The following FNIP2 variants were observed in gnomAD, a reference collection of about 807,000 sequenced individuals.
The protein encoded by FNIP2 is folliculin interacting protein 2.
A neutral mutation model predicts 108.7 loss-of-function variants in FNIP2; 32 were observed. That is an observed-to-expected ratio of 0.29 (90% CI 0.22 to 0.40). The LOEUF (loss-of-function observed/expected upper bound fraction) is 0.40, where lower values mean the gene tolerates loss of function less well. Among genes scored for constraint, FNIP2 ranks in the 10% least tolerant of loss-of-function variants. The probability of loss-of-function intolerance (pLI) is 1.00; values close to 1 mark genes in which losing one functional copy is unlikely to be tolerated. For missense variants in FNIP2, 1,202 were observed against 1,381.6 expected (o/e 0.87, Z 2.06); for synonymous variants, 480 against 496.7 (o/e 0.97, Z 0.45).
chr4:158,819,171 C>T (rs1235866840), intron 1 of FNIP2, among the ~76,000 whole-genome samples: 1 of 152,198 alleles, frequency 6.6e-6, no homozygotes, highest in Non-Finnish European at 1.5e-5. Flanking sequence ...CTGTGTGAAG[C>T]CACACACTCA....
At chr4:158,810,315 T>C (rs1348643990) in intron 1 of FNIP2, among the ~76,000 whole-genome samples, 1 of 152,228 alleles carries the variant, frequency 6.6e-6, no homozygotes, top group East Asian at 1.9e-4. Flanking sequence ...GCTGATGGTC[T>C]TGTGCTTTGT....
chr4:158,807,877 T>C (rs750331304), intron 1 of FNIP2, among the ~76,000 whole-genome samples: 1 of 152,204 alleles, frequency 6.6e-6, no homozygotes, highest in African/African-American at 2.4e-5. Flanking sequence ...GAGGAGGTAA[T>C]GATATGGTAC....
chr4:158,833,417 G>A (rs1778587108), intron 5 of FNIP2, 111 bp from the exon 6 acceptor site: 1 of 641,580 alleles, frequency 1.6e-6, no homozygotes, highest in Non-Finnish European at 2.8e-6. Context: ...GAAAAGTATT[G>A]AGTGACTGAT....
intron 12 of FNIP2, among the ~76,000 whole-genome samples, chr4:158,865,547 A>G (rs1780530181): frequency 6.6e-6 from 1 of 152,246 alleles, no homozygotes; most frequent in Non-Finnish European, 1.5e-5. Context: ...ATTAAAATAT[A>G]CAATACTCAA....
rs185451964 is a variant in FNIP2 at position 158,825,059 on chromosome 4, G to C, written c.108-857G>C. On this transcript the variant is annotated intron_variant, in intron 1 of 16. Transcript: ENST00000264433. The stretch of plus-strand genomic sequence containing the variant: ...CCCACTGAATCATGAACTCCATAAG[G>C]GTGGGGACCAGGTCTGTCTGGTTAA... 3.3e-5 allele frequency among the ~76,000 whole-genome samples: 5 copies of C among 152,240 alleles called. No homozygotes were observed. The East Asian group carries it at 9.6e-4, about 29-fold the overall frequency.
At position 158,905,726 on chromosome 4, in the gene FNIP2, T is replaced by C. The variant is rs1293051338; in HGVS notation, c.*1182T>C. The C allele has an allele frequency of 6.6e-6, 1 of 151,644 alleles. No homozygotes were observed. Among genetic ancestry groups the C allele is most frequent in the Non-Finnish European group, 1.5e-5 (1 of 67,934 alleles). 9.4% of individuals were successfully genotyped at this position (151,644 alleles called of 1,614,324 possible). The stretch of plus-strand genomic sequence containing the variant: ...AAAAAAAAAACAACCTAATTTTCTG[T>C]TAATATAAAAGAAACTTCAGTTTAC... On this transcript the variant is annotated 3_prime_UTR_variant, in exon 17 of 17. Coordinates refer to ENST00000264433, the MANE Select transcript of FNIP2 (RefSeq NM_020840.3).
chr4:158,818,088 G>C (rs1335414527), intron 1 of FNIP2, among the ~76,000 whole-genome samples: 4 of 152,222 alleles, frequency 2.6e-5, no homozygotes, highest in East Asian at 3.8e-4. Context: ...CAGAAAGGAA[G>C]GAAGAAATTC....
chr4:158,896,568 C>T (rs956002187), intron 16 of FNIP2, among the ~76,000 whole-genome samples: 2 of 152,086 alleles, frequency 1.3e-5, no homozygotes, highest in Non-Finnish European at 2.9e-5. Context: ...TTTATAATGT[C>T]GACGTTTAAA....
intron 1 of FNIP2, among the ~76,000 whole-genome samples, chr4:158,780,056 T>TA (rs985248279): frequency 4.0e-4 from 59 of 145,912 alleles, no homozygotes; most frequent in South Asian, 1.5e-3. Flanking sequence ...AAATAAAAAA[T>TA]AAAAAAAAAA....
chr4:158,782,790 T>A (rs920364337), intron 1 of FNIP2, among the ~76,000 whole-genome samples: 1 of 152,140 alleles, frequency 6.6e-6, no homozygotes, highest in Non-Finnish European at 1.5e-5. Context: ...AGCTCCCAAT[T>A]GTCCAGTAAT....
intron 16 of FNIP2, among the ~76,000 whole-genome samples, chr4:158,898,242 C>G (rs1260012018): frequency 6.6e-6 from 1 of 152,100 alleles, no homozygotes; most frequent in East Asian, 1.9e-4. Context: ...TTACCGTAGC[C>G]TTGTTGTATA....
rs34074378 is a variant in FNIP2 at position 158,866,221 on chromosome 4, C to CTTTTTTTTTTTTTTTTTTTTTTTTTTTTT, written c.1466-1866_1466-1865insTTTTTTTTTTTTTTTTTTTTTTTTTTTTT. 1.2e-4 allele frequency among the ~76,000 whole-genome samples: 7 copies of CTTTTTTTTTTTTTTTTTTTTTTTTTTTTT among 59,764 alleles called. 3 individuals are homozygous for CTTTTTTTTTTTTTTTTTTTTTTTTTTTTT. Among genetic ancestry groups the CTTTTTTTTTTTTTTTTTTTTTTTTTTTTT allele is most frequent in the Non-Finnish European group, 2.0e-4 (7 of 35,740 alleles). 39.2% of individuals were successfully genotyped at this position (59,764 alleles called of 152,430 possible). A position where few individuals can be genotyped will look rare whatever the true frequency, so the allele number is the denominator to read the frequency against. ...GATTTGTTCCAATATTCTGGTTATTCTTTTTTTTTTTTTTTGAGACAGAGT... is the reference window on the plus strand; with the variant it reads ...GATTTGTTCCAATATTCTGGTTATTCTTTTTTTTTTTTTTTTTTTTTTTTTTTTTTTTTTTTTTTTTTTTGAGACAGAGT... On this transcript the variant is annotated intron_variant, in intron 12 of 16. Transcript: ENST00000264433.
intron 7 of FNIP2, chr4:158,836,017 G>A (rs761759097): frequency 1.3e-5 from 2 of 152,430 alleles, no homozygotes; most frequent in Non-Finnish European, 2.9e-5. Flanking sequence ...TTGTGGTTCA[G>A]ATCTGAGATT....
intron 1 of FNIP2, among the ~76,000 whole-genome samples, chr4:158,798,815 T>C (rs1776671553): frequency 6.6e-6 from 1 of 152,266 alleles, no homozygotes; most frequent in African/African-American, 2.4e-5. Flanking sequence ...TGAATAACTC[T>C]TAGTAATTCC....
At chr4:158,798,888 T>G (rs1346994791) in intron 1 of FNIP2, among the ~76,000 whole-genome samples, 14 of 152,240 alleles carry the variant, frequency 9.2e-5, no homozygotes, top group African/African-American at 3.4e-4. Context: ...CCTGAATGAA[T>G]TTTTTATTCC....
rs1042130983 is a variant in FNIP2, at chr4:158,904,916, A to G, written c.*372A>G. On this transcript the variant is annotated 3_prime_UTR_variant, in exon 17 of 17. Transcript: ENST00000264433. ...AGCGGGGTGGTCAGCAGTGTACATA[A>G]TATTCCAGTAGGAAACTGCTTCCAA... 3.0e-5 allele frequency: 5 copies of G among 167,340 alleles called. No individual in the cohort carries two copies. The highest frequency in any genetic ancestry group is 5.2e-5 in the Non-Finnish European group (4 of 77,206). The allele number at this position is 167,340 out of a possible 1,614,324, so 10.4% of individuals were successfully genotyped here.
At chr4:158,838,053 C>G (rs748120403) in intron 7 of FNIP2, among the ~76,000 whole-genome samples, 5 of 152,190 alleles carry the variant, frequency 3.3e-5, no homozygotes, top group Non-Finnish European at 5.9e-5. Context: ...TCTTTATGTT[C>G]ACACTGTAAT....
At chr4:158,793,115 G>A (rs1776475047) in intron 1 of FNIP2, among the ~76,000 whole-genome samples, 1 of 152,158 alleles carries the variant, frequency 6.6e-6, no homozygotes, top group Non-Finnish European at 1.5e-5. Flanking sequence ...CAACACATTT[G>A]TTTTTGGATA....
chr4:158,845,839 T>C (rs1779373249), intron 7 of FNIP2, among the ~76,000 whole-genome samples: 1 of 152,242 alleles, frequency 6.6e-6, no homozygotes, highest in Non-Finnish European at 1.5e-5. Flanking sequence ...AATCTTAAAA[T>C]ACTTTTGATG....
Sources: gnomAD v4.1 joint callset for allele counts (sites outside exome capture counted in the v4.1 genomes callset) on GRCh38, gnomAD v4.1.1 for gene constraint, MANE v1.5 for transcripts, NCBI Gene and HGNC (gene_info 2026-07-23, HGNC 2026-07-21) for gene names.